TRPM3: variants seen among roughly 807,000 people sequenced by gnomAD.
TRPM3 encodes long transient receptor potential channel 3.
TRPM3 carries 77 observed loss-of-function variants against 181.2 expected under a neutral mutation model. That is an observed-to-expected ratio of 0.42 (90% CI 0.35 to 0.51). The LOEUF (loss-of-function observed/expected upper bound fraction) is 0.51. Ranked by LOEUF, TRPM3 falls within the 20% of genes least tolerant of loss-of-function variation. The pLI is 0.01. For missense variants in TRPM3, 1,759 were observed against 2,196.7 expected (o/e 0.80, Z 3.98); for synonymous variants, 745 against 796.4 (o/e 0.94, Z 1.09).
intron 1 of TRPM3, among the ~76,000 whole-genome samples, chr9:71,279,060 AAT>A (rs1490839106): frequency 0.13 from 17,560 of 139,030 alleles, 3,435 homozygotes; most frequent in Non-Finnish European, 0.16. Context: ...TAAAAATAAA[AAT>A]AAAAAAACCA....
chr9:71,018,661 T>G (rs1188581224), intron 1 of TRPM3, among the ~76,000 whole-genome samples: 4 of 151,850 alleles, frequency 2.6e-5, no homozygotes, highest in Non-Finnish European at 4.4e-5. Context: ...ATTTCATCCA[T>G]AATTTAAAAT....
At position 70,537,149 on chromosome 9, in the gene TRPM3, T is replaced by C; in HGVS notation, c.3964A>G (p.Lys1322Glu). Residue 1322 changes from lysine (K) to glutamate (E), a missense_variant, in exon 26 of 26, where the codon AAG becomes GAG. By Grantham distance (56) the Lys-to-Glu change is moderately conservative. Transcript: ENST00000677713. ...GCAGGGTCTATACTCTCTTGGAGCT[T>C]GAAGGTGTTCCCTTCCTGGCTGTTG... is the stretch of plus-strand genomic sequence containing the variant. ...SFNSQEGNTFKLQESIDPAGE... is the reference protein window; with the variant it reads ...SFNSQEGNTFELQESIDPAGE... The C allele has an allele frequency of 3.8e-6, 6 of 1,590,644 alleles. No individual in the cohort carries two copies. The highest frequency in any genetic ancestry group is 5.2e-6 in the Non-Finnish European group (6 of 1,162,720).
At chr9:71,342,256 G>GTA (rs34481193) in intron 1 of TRPM3, among the ~76,000 whole-genome samples, 128,389 of 142,118 alleles carry the variant, frequency 0.9, 58,311 homozygotes, top group East Asian at 0.97. Context: ...TTAAATAGGT[G>GTA]TATATATATA....
At chr9:70,692,055 G>A (rs949805777) in intron 8 of TRPM3, among the ~76,000 whole-genome samples, 4 of 152,200 alleles carry the variant, frequency 2.6e-5, no homozygotes, top group South Asian at 4.1e-4. Flanking sequence ...GGTTGGACAC[G>A]CTTGCGGGGC....
chr9:70,863,749 G>A (rs1184488369), intron 2 of TRPM3, among the ~76,000 whole-genome samples: 1 of 152,052 alleles, frequency 6.6e-6, no homozygotes, highest in Non-Finnish European at 1.5e-5. Context: ...AGTCATAATA[G>A]TTACAATATG....
At chr9:70,845,550 T>A (rs1485678439) in intron 4 of TRPM3, among the ~76,000 whole-genome samples, 1 of 152,190 alleles carries the variant, frequency 6.6e-6, no homozygotes, top group Non-Finnish European at 1.5e-5. Flanking sequence ...CGAGATAATG[T>A]GTTATTTAAA....
In TRPM3 at chr9:71,117,671, T is replaced by C. The variant is rs1477295244; in HGVS notation, c.177+3507A>G. On this transcript the variant is annotated intron_variant, in intron 1 of 25. Coordinates refer to ENST00000677713, the MANE Select transcript of TRPM3 (RefSeq NM_001366145.2). Reference sequence around the variant, plus strand: ...TTAGGACCCAGTGTCCAGGCTGACTTTTCCAGAATATAATTTCTTTATTCT... The same window carrying C: ...TTAGGACCCAGTGTCCAGGCTGACTCTTCCAGAATATAATTTCTTTATTCT... Among the ~76,000 whole-genome samples the C allele has an allele frequency of 2.0e-5, 3 of 152,190 alleles. No homozygotes were observed. In the East Asian group the frequency reaches 5.8e-4, roughly 29 times the overall value.
Position 70,954,450 on chromosome 9 carries a change from T to C in TRPM3, c.178-89939A>G, listed in dbSNP as rs185102321. ...AAGAGTCCTCTAAACTGCAATCACA[T>C]CCTGTTTCCTTGTCTCTAAGACTCA... On this transcript the variant is annotated intron_variant, in intron 1 of 25. Coordinates refer to ENST00000677713, the MANE Select transcript of TRPM3 (RefSeq NM_001366145.2). Among the ~76,000 whole-genome samples, 6 of 152,334 alleles carry C rather than the reference T, an allele frequency of 3.9e-5. No individual in the cohort carries two copies. In the East Asian group the frequency reaches 9.7e-4, roughly 25 times the overall value.
chr9:71,167,497 T>G (rs2076597625), intron 1 of TRPM3, among the ~76,000 whole-genome samples: 1 of 152,160 alleles, frequency 6.6e-6, no homozygotes, highest in South Asian at 2.1e-4. Context: ...AACACACTTC[T>G]TTCTCCCATG....
chr9:71,393,174 T>C (rs1364702069), intron 1 of TRPM3, among the ~76,000 whole-genome samples: 4 of 151,916 alleles, frequency 2.6e-5, no homozygotes, highest in Non-Finnish European at 4.4e-5. Context: ...GCCAAGGGAG[T>C]CAGAGAAGTG....
chr9:71,223,192 C>G (rs2080352232), intron 1 of TRPM3, among the ~76,000 whole-genome samples: 1 of 152,120 alleles, frequency 6.6e-6, no homozygotes, highest in Admixed American at 6.5e-5. Flanking sequence ...GGTAAGAGGA[C>G]TTTGTCTTGA....
chr9:71,225,769 G>A (rs968595368), intron 1 of TRPM3, among the ~76,000 whole-genome samples: 1 of 151,860 alleles, frequency 6.6e-6, no homozygotes, highest in African/African-American at 2.4e-5. Context: ...TGATTCTCCT[G>A]CCTCAGCCTC....
intron 1 of TRPM3, among the ~76,000 whole-genome samples, chr9:71,413,919 T>G (rs549315641): frequency 1.3e-5 from 2 of 151,822 alleles, no homozygotes; most frequent in East Asian, 3.9e-4. Flanking sequence ...TAAAACAAAC[T>G]AAGACTCTGA....
chr9:71,201,662 G>A (rs1047004645), intron 1 of TRPM3, among the ~76,000 whole-genome samples: 8 of 151,930 alleles, frequency 5.3e-5, no homozygotes, highest in African/African-American at 1.7e-4. Flanking sequence ...CCAGTTGATC[G>A]CATCGGCTCC....
At chr9:71,044,884 G>A (rs1279843886) in intron 1 of TRPM3, among the ~76,000 whole-genome samples, 1 of 151,892 alleles carries the variant, frequency 6.6e-6, no homozygotes, top group East Asian at 1.9e-4. Context: ...TGTTAGCCAG[G>A]ATGATCTCGA....
chr9:70,868,917 C>T (rs771026565), intron 1 of TRPM3: 340 of 891,594 alleles, frequency 3.8e-4, no homozygotes, highest in Non-Finnish European at 4.4e-4. Flanking sequence ...GATCTTTGGT[C>T]TTCCTCTAGG....
chr9:70,765,180 T>C (rs1189172100), intron 7 of TRPM3, among the ~76,000 whole-genome samples: 3 of 152,188 alleles, frequency 2.0e-5, no homozygotes, highest in African/African-American at 4.8e-5. Flanking sequence ...CCTTGCCCCA[T>C]GGTGTTGCTC....
chr9:71,414,706 T>C (rs2093611237), intron 1 of TRPM3, among the ~76,000 whole-genome samples: 1 of 152,120 alleles, frequency 6.6e-6, no homozygotes, highest in African/African-American at 2.4e-5. Context: ...TGGAGAGGCA[T>C]GATACTAACT....
At chr9:71,076,656 G>C (rs1459581563) in intron 1 of TRPM3, among the ~76,000 whole-genome samples, 1 of 152,214 alleles carries the variant, frequency 6.6e-6, no homozygotes, top group Non-Finnish European at 1.5e-5. Context: ...TGGGAGAGGA[G>C]AAAAGCTGGG....
Sources: allele counts gnomAD v4.1 joint callset (sites outside exome capture counted in the v4.1 genomes callset), GRCh38; gene constraint gnomAD v4.1.1; transcripts MANE v1.5; gene names NCBI Gene and HGNC (gene_info 2026-07-23, HGNC 2026-07-21).